GPAM: variants seen among roughly 807,000 people sequenced by gnomAD.
GPAM encodes glycerol-3-phosphate acyltransferase, mitochondrial, also known as glycerol-3-phosphate acyltransferase 1, mitochondrial.
In GPAM, 56 loss-of-function variants were observed where a neutral mutation model predicts 105.0. That is an observed-to-expected ratio of 0.53 (90% CI 0.43 to 0.67). The LOEUF (loss-of-function observed/expected upper bound fraction) is 0.67. Ranked by LOEUF, GPAM falls within the 30% of genes least tolerant of loss-of-function variation. The probability of loss-of-function intolerance (pLI) is 0.00; values close to 1 mark genes in which losing one functional copy is unlikely to be tolerated. For missense variants in GPAM, 855 were observed against 989.8 expected (o/e 0.86, Z 1.83); for synonymous variants, 368 against 354.4 (o/e 1.04, Z -0.43).
chr10:112,186,862 T>C (rs1184207639), upstream of GPAM, among the ~76,000 whole-genome samples: 1 of 152,158 alleles, frequency 6.6e-6, no homozygotes, highest in African/African-American at 2.4e-5. Context: ...TAAAACTCTT[T>C]TAAAACATGA....
intron 1 of GPAM, among the ~76,000 whole-genome samples, chr10:112,191,098 A>G (rs1235990931): frequency 1.3e-5 from 2 of 152,244 alleles, no homozygotes; most frequent in African/African-American, 4.8e-5. Context: ...AGAGCCAATC[A>G]GACGGGAAGA....
In GPAM at chr10:112,159,789, G is replaced by C. The variant is rs1847088220; in HGVS notation, c.1902+122C>G. 3.7e-5 allele frequency: 35 copies of C among 958,870 alleles called. No individual in the cohort carries two copies. In the South Asian group the frequency reaches 4.7e-4, roughly 13 times the overall value. The allele number at this position is 958,870 out of a possible 1,614,324, so 59.4% of individuals were successfully genotyped here. A position where few individuals can be genotyped will look rare whatever the true frequency, so the allele number is the denominator to read the frequency against. On this transcript the variant is annotated intron_variant, in intron 17 of 21. Transcript: ENST00000348367. ...TGGTTTGGTGGTCACTGAAATCCAG[G>C]AGTGGAATATAAAGTATCAACAATG...
rs1164738563 is a variant in GPAM, at chr10:112,151,316, T to C, written c.*2234A>G. The C allele has an allele frequency of 2.0e-6, 2 of 983,926 alleles. No individual in the cohort carries two copies. Among genetic ancestry groups the C allele is most frequent in the African/African-American group, 1.7e-5 (1 of 57,240 alleles). 60.9% of individuals were successfully genotyped at this position (983,926 alleles called of 1,614,324 possible). Reference sequence around the variant, plus strand: ...CTATCTGGAAGCTTCATTGTGAAGATGCTTTCGTTTTTTTGTTTTTTGTTT... The same window carrying C: ...CTATCTGGAAGCTTCATTGTGAAGACGCTTTCGTTTTTTTGTTTTTTGTTT... On this transcript the variant is annotated 3_prime_UTR_variant, in exon 22 of 22. Coordinates refer to ENST00000348367, the MANE Select transcript of GPAM (RefSeq NM_001244949.2).
chr10:112,203,399 C>A (rs2133297618), intron 1 of GPAM, among the ~76,000 whole-genome samples: 1 of 151,744 alleles, frequency 6.6e-6, no homozygotes, highest in Non-Finnish European at 1.5e-5. Flanking sequence ...AGAAAAGCAG[C>A]CCCAGCATGG....
upstream of GPAM, among the ~76,000 whole-genome samples, chr10:112,187,916 A>G (rs1847614363): frequency 6.6e-6 from 1 of 152,178 alleles, no homozygotes; most frequent in Admixed American, 6.5e-5. Context: ...ATCCTTAACT[A>G]TTTAGAAACT....
intron 11 of GPAM, among the ~76,000 whole-genome samples, chr10:112,167,064 GAC>G (rs1389555603): frequency 1.3e-5 from 2 of 152,136 alleles, no homozygotes; most frequent in Non-Finnish European, 2.9e-5. Flanking sequence ...GAACTCGTGA[GAC>G]ACAGTCAGGA....
upstream of GPAM, among the ~76,000 whole-genome samples, chr10:112,188,364 T>G (rs184675469): frequency 3.4e-3 from 516 of 152,338 alleles, 2 homozygotes; most frequent in Non-Finnish European, 5.6e-3. Flanking sequence ...CTACAAATTC[T>G]GTATACACAG....
chr10:112,160,873 A>G lies in GPAM; in HGVS notation c.1495-5T>C. 1 of 1,612,688 alleles carries G rather than the reference A, an allele frequency of 6.2e-7. No individual in the cohort carries two copies. Among genetic ancestry groups the G allele is most frequent in the Non-Finnish European group, 8.5e-7 (1 of 1,179,102 alleles). On this transcript the variant is annotated splice_polypyrimidine_tract_variant and splice_region_variant and intron_variant, in intron 15 of 21. Transcript: ENST00000348367. ...CAATGTGGAGAGATCAATTCCCTAA[A>G]GAAAGATGGAAACGGTATCATGATG...
intron 1 of GPAM, among the ~76,000 whole-genome samples, chr10:112,202,487 C>T (rs1226688407): frequency 6.6e-6 from 1 of 152,066 alleles, no homozygotes; most frequent in Non-Finnish European, 1.5e-5. Context: ...TTTAAAAAGG[C>T]AAAATAGGAA....
chr10:112,212,544 T>C (rs1847923785), intron 1 of GPAM, among the ~76,000 whole-genome samples: 1 of 152,182 alleles, frequency 6.6e-6, no homozygotes, highest in Admixed American at 6.5e-5. Flanking sequence ...ATTACAGGCA[T>C]GAGCCACCGT....
At chr10:112,186,615 C>G, upstream of GPAM, among the ~76,000 whole-genome samples, 1 of 152,086 alleles carries the variant, frequency 6.6e-6, no homozygotes, top group East Asian at 1.9e-4. Flanking sequence ...GGCGTGATCT[C>G]AGCTCACTGA....
At chr10:112,174,852 ATAT>A (rs1317497748) in intron 6 of GPAM, among the ~76,000 whole-genome samples, 1 of 152,204 alleles carries the variant, frequency 6.6e-6, no homozygotes, top group Non-Finnish European at 1.5e-5. Context: ...TCTTGAGTAC[ATAT>A]TATGTGCCAG....
rs1303826375 is a variant in GPAM at position 112,180,583 on chromosome 10, A to T, written c.115T>A (p.Phe39Ile). ...GCAGATCTGAAGATGGTGGGTCTAA[A>T]GCCACACTCACCCTGACAAATATTA... ...HTSEEWGECG[F>I]RPTIFRSATL... is the part of the protein sequence containing the mutation. Residue 39 changes from phenylalanine (F) to isoleucine (I), a missense_variant, in exon 4 of 22, where the codon TTT becomes ATT. Transcript: ENST00000348367. The T allele has an allele frequency of 1.9e-6, 3 of 1,610,128 alleles. No homozygotes were observed. Among genetic ancestry groups the T allele is most frequent in the Non-Finnish European group, 2.6e-6 (3 of 1,176,420 alleles).
chr10:112,166,497 C>CA lies in GPAM; in HGVS notation c.1125dup (p.Glu376Ter). ...CCTCTTGCTACACTCCACAGGCTCT[C>CA]ATTCTTCTTAGGTTTGCCCTAAATT... On this transcript the variant is annotated frameshift_variant, in exon 12 of 22. Transcript: ENST00000348367. LOFTEE classifies it high-confidence loss of function. 1 of 1,606,480 alleles carries CA rather than the reference C, an allele frequency of 6.2e-7. No homozygotes were observed. The highest frequency in any genetic ancestry group is 8.5e-7 in the Non-Finnish European group (1 of 1,173,060).
intron 1 of GPAM, among the ~76,000 whole-genome samples, chr10:112,192,979 C>A (rs2133284643): frequency 6.6e-6 from 1 of 152,280 alleles, no homozygotes; most frequent in South Asian, 2.1e-4. Flanking sequence ...GTTAGCTACC[C>A]TTTATTGAGC....
chr10:112,173,001 C>T lies in GPAM; in HGVS notation c.626G>A (p.Gly209Asp), dbSNP rs547466459. 3 of 1,605,350 alleles carry T rather than the reference C, an allele frequency of 1.9e-6. No individual in the cohort carries two copies. Among genetic ancestry groups the T allele is most frequent in the African/African-American group, 1.3e-5 (1 of 74,850 alleles). The change falls in exon 8 of 22, where the codon GGT becomes GAT. Residue 209 changes from glycine (G) to aspartate (D), a missense_variant. Coordinates refer to ENST00000348367, the MANE Select transcript of GPAM (RefSeq NM_001244949.2). Reference sequence around the variant, plus strand: ...TGCAGCTTTAACCATCTCAAGTTGACCTTTGTGAATTTGAATGTTCCAAAA... The same window carrying T: ...TGCAGCTTTAACCATCTCAAGTTGATCTTTGTGAATTTGAATGTTCCAAAA... ...SFFWNIQIHK[G>D]QLEMVKAATE...
the GPAM span, among the ~76,000 whole-genome samples, chr10:112,221,052 T>G: frequency 6.6e-6 from 1 of 152,154 alleles, no homozygotes; most frequent in Non-Finnish European, 1.5e-5. Flanking sequence ...CAGCCCAATA[T>G]TGCCATGGGA....
rs756485184 is a variant in GPAM, at chr10:112,157,339, G to T, written c.2031C>A (p.Asp677Glu). 16 of 1,613,268 alleles carry T rather than the reference G, an allele frequency of 9.9e-6. No homozygotes were observed. In the East Asian group the frequency reaches 3.6e-4, roughly 36 times the overall value. Reference protein sequence around the residue: ...ISPSLAEQQWDKKLPEPLSWR... With the variant: ...ISPSLAEQQWEKKLPEPLSWR... Reference sequence around the variant, plus strand: ...AAGACAAAGGTTCTGGAAGCTTCTTGTCCCACTGCTGCTCAGCAAGACTAG... The same window carrying T: ...AAGACAAAGGTTCTGGAAGCTTCTTTTCCCACTGCTGCTCAGCAAGACTAG... The change falls in exon 19 of 22, where the codon GAC becomes GAA. Residue 677 changes from aspartate to glutamate, a missense_variant. Transcript: ENST00000348367.
chr10:112,175,799 A>G, intron 5 of GPAM, 86 bp from the exon 6 acceptor site: 1 of 808,172 alleles, frequency 1.2e-6, no homozygotes, highest in South Asian at 1.4e-5. Context: ...GCCCATAAAA[A>G]CAAAGCCTAA....
Sources: gnomAD v4.1 joint callset for allele counts (sites outside exome capture counted in the v4.1 genomes callset) on GRCh38, gnomAD v4.1.1 for gene constraint, MANE v1.5 for transcripts, NCBI Gene and HGNC (gene_info 2026-07-23, HGNC 2026-07-21) for gene names.